The following UBR7 variants were observed in gnomAD, a reference collection of about 807,000 sequenced individuals.
UBR7 encodes the protein ubiquitin protein ligase E3 component n-recognin 7, also known as putative E3 ubiquitin-protein ligase UBR7.
UBR7 carries 22 observed loss-of-function variants against 57.0 expected under a neutral mutation model. The observed-to-expected ratio is 0.39, with a 90% CI of 0.28 to 0.55. The LOEUF is 0.55. UBR7 is among the 20% of genes least tolerant of loss of function. UBR7 has a pLI of 0.69. For missense variants in UBR7, 395 were observed against 513.2 expected (o/e 0.77, Z 2.23); for synonymous variants, 167 against 179.8 (o/e 0.93, Z 0.57).
At chr14:93,211,150 G>A (rs1167957608) in intron 3 of UBR7, among the ~76,000 whole-genome samples, 3 of 152,250 alleles carry the variant, frequency 2.0e-5, no homozygotes, top group Non-Finnish European at 4.4e-5. Context: ...TGAGGCAGGA[G>A]AATTGCTTGA....
chr14:93,220,722 C>T (rs1894687410), intron 9 of UBR7, among the ~76,000 whole-genome samples: 3 of 152,154 alleles, frequency 2.0e-5, no homozygotes, highest in Admixed American at 2.0e-4. Flanking sequence ...TTGAGCAAGG[C>T]ATGTCACCAT....
rs908357986 is a variant in UBR7 at position 93,210,561 on chromosome 14, T to A, written c.285-87T>A. On this transcript the variant is annotated intron_variant, in intron 2 of 10. Coordinates refer to ENST00000013070, the MANE Select transcript of UBR7 (RefSeq NM_175748.4). ...CATATTAATTTCCCGAATTGTGAAG[T>A]CTTACTATGTGCTTGAATGCTTGAA... 6.2e-6 allele frequency: 7 copies of A among 1,123,710 alleles called. No individual in the cohort carries two copies. The South Asian group carries it at 8.0e-5, about 13-fold the overall frequency. The allele number at this position is 1,123,710 out of a possible 1,614,324, so 69.6% of individuals were successfully genotyped here. A position where few individuals can be genotyped will look rare whatever the true frequency, so the allele number is the denominator to read the frequency against.
At chr14:93,212,000 ATAT>A in intron 3 of UBR7, 29 bp from the exon 4 acceptor site, 6 of 1,490,468 alleles carry the variant, frequency 4.0e-6, no homozygotes, top group Non-Finnish European at 4.6e-6. Context: ...AAATTAGACC[ATAT>A]TATTATTGAA....
intron 4 of UBR7, among the ~76,000 whole-genome samples, chr14:93,213,682 G>A (rs1316338208): frequency 6.6e-6 from 1 of 152,042 alleles, no homozygotes; most frequent in Admixed American, 6.6e-5. Flanking sequence ...AAGTTCATTG[G>A]ACATCCATAA....
At position 93,223,884 on chromosome 14, in the gene UBR7, C is replaced by T; in HGVS notation, c.1185+1510C>T. 4.1e-6 allele frequency: 3 copies of T among 737,050 alleles called. No homozygotes were observed. The South Asian group carries it at 4.2e-5, about 10-fold the overall frequency. 45.7% of individuals were successfully genotyped at this position (737,050 alleles called of 1,614,324 possible). On this transcript the variant is annotated intron_variant, in intron 10 of 10. Transcript: ENST00000013070. ...ATGTTGGGGGCGCCGCTCCGGGAGT[C>T]ATAGCTCAGCCAGATGCCGAAGTTC...
intron 4 of UBR7, among the ~76,000 whole-genome samples, chr14:93,212,759 T>C (rs531061605): frequency 4.6e-5 from 7 of 152,326 alleles, no homozygotes; most frequent in Non-Finnish European, 8.8e-5. Flanking sequence ...AAAACACACT[T>C]ACCCCCTTCT....
chr14:93,219,615 CTTATT>C (rs974889837), intron 8 of UBR7, among the ~76,000 whole-genome samples: 3 of 152,186 alleles, frequency 2.0e-5, no homozygotes, highest in African/African-American at 7.2e-5. Flanking sequence ...TTTAAATTTA[CTTATT>C]TTAATTTTAG....
At chr14:93,216,015 A>C (rs565648436) in intron 6 of UBR7, among the ~76,000 whole-genome samples, 92 of 152,322 alleles carry the variant, frequency 6.0e-4, no homozygotes, top group African/African-American at 2.1e-3. Flanking sequence ...GAGACTGGGA[A>C]GTCCAAAATT....
In UBR7 at chr14:93,227,962, T is replaced by C. The variant is rs1411595035; in HGVS notation, c.*927T>C. ...AAATGGACCTATTTTGATATTCTGT[T>C]ATGAAAATGTTATTAGAACCCCAAT... On this transcript the variant is annotated 3_prime_UTR_variant, in exon 11 of 11. Transcript: ENST00000013070. The C allele has an allele frequency of 1.4e-6, 1 of 700,348 alleles. No individual in the cohort carries two copies. The highest frequency in any genetic ancestry group is 2.6e-6 in the Non-Finnish European group (1 of 384,764). The allele number at this position is 700,348 out of a possible 1,614,324, so 43.4% of individuals were successfully genotyped here.
At chr14:93,225,463 CAAAAAA>C (rs59667536) in intron 10 of UBR7, among the ~76,000 whole-genome samples, 28 of 110,172 alleles carry the variant, frequency 2.5e-4, no homozygotes, top group Admixed American at 3.1e-4. Flanking sequence ...CCCGCCTCTA[CAAAAAA>C]AAAAAAAAAA....
rs1322802359 is a variant in UBR7 at position 93,210,003 on chromosome 14, A to T, written c.284+46A>T. 6 of 1,603,858 alleles carry T rather than the reference A, an allele frequency of 3.7e-6. No homozygotes were observed. The East Asian group carries it at 1.3e-4, about 36-fold the overall frequency. On this transcript the variant is annotated intron_variant, in intron 2 of 10. Coordinates refer to ENST00000013070, the MANE Select transcript of UBR7 (RefSeq NM_175748.4). ...GTTACTAAATGCTTTTGAAGTATAG[A>T]TTCTTTCCCATCTACACTTTTTCCT... is the stretch of plus-strand genomic sequence containing the variant.
At chr14:93,213,925 A>AT (rs149933433) in intron 4 of UBR7, among the ~76,000 whole-genome samples, 15,087 of 149,620 alleles carry the variant, frequency 0.1, 779 homozygotes, top group Middle Eastern at 0.13. Flanking sequence ...TTAAAACTGG[A>AT]TTTTTTTTTT....
chr14:93,212,954 G>T (rs1037887028), intron 4 of UBR7, among the ~76,000 whole-genome samples: 1 of 152,028 alleles, frequency 6.6e-6, no homozygotes, highest in Non-Finnish European at 1.5e-5. Flanking sequence ...TATAATTGAC[G>T]GATCAAAGTG....
chr14:93,211,410 G>C (rs1200104652), intron 3 of UBR7, among the ~76,000 whole-genome samples: 2 of 150,214 alleles, frequency 1.3e-5, no homozygotes, highest in Non-Finnish European at 3.0e-5. Flanking sequence ...ATCTGGGCAT[G>C]GTGGTGCGTG....
At chr14:93,214,826 T>C in intron 4 of UBR7, 103 bp from the exon 5 acceptor site, 2 of 1,038,270 alleles carry the variant, frequency 1.9e-6, no homozygotes, top group Non-Finnish European at 3.0e-6. Flanking sequence ...GGAACACCAG[T>C]TCATGTAGAA....
chr14:93,215,397 A>G, intron 6 of UBR7, 116 bp downstream of exon 6: 4 of 955,824 alleles, frequency 4.2e-6, no homozygotes, highest in East Asian at 2.6e-5. Flanking sequence ...AAAATAGTAT[A>G]TGTTCTGGCC....
Position 93,209,423 on chromosome 14 carries a change from A to T in UBR7, c.151-401A>T, listed in dbSNP as rs538851077. ...ATCCATTTATTCACAGCTGATTGAC[A>T]AATTCAGACTTCCTATCACTTTAAG... On this transcript the variant is annotated intron_variant, in intron 1 of 10. Coordinates refer to ENST00000013070, the MANE Select transcript of UBR7 (RefSeq NM_175748.4). Among the ~76,000 whole-genome samples the T allele has an allele frequency of 2.0e-5, 3 of 152,332 alleles. No individual in the cohort carries two copies. In the East Asian group the frequency reaches 5.8e-4, roughly 29 times the overall value.
intron 4 of UBR7, among the ~76,000 whole-genome samples, chr14:93,213,958 G>C (rs1894541961): frequency 6.6e-6 from 1 of 150,666 alleles, no homozygotes; most frequent in South Asian, 2.1e-4. Flanking sequence ...ACGGAGTTTC[G>C]CTCTGTCACC....
At chr14:93,226,047 G>A (rs1894843211) in intron 10 of UBR7, among the ~76,000 whole-genome samples, 1 of 152,186 alleles carries the variant, frequency 6.6e-6, no homozygotes, top group Non-Finnish European at 1.5e-5. Flanking sequence ...TCTGTTAGGG[G>A]TTTGGATTCC....
Sources: gnomAD v4.1 joint callset for allele counts (sites outside exome capture counted in the v4.1 genomes callset) on GRCh38, gnomAD v4.1.1 for gene constraint, MANE v1.5 for transcripts, NCBI Gene and HGNC (gene_info 2026-07-23, HGNC 2026-07-21) for gene names.